The following NBAS variants were observed in gnomAD, a reference collection of about 807,000 sequenced individuals.
NBAS encodes NBAS subunit of NRZ tethering complex.
NBAS carries 219 observed loss-of-function variants against 302.5 expected under a neutral mutation model. The observed-to-expected ratio is 0.72, with a 90% confidence interval of 0.65 to 0.81. NBAS has a LOEUF of 0.81. Ranked by LOEUF, NBAS falls within the 30% of genes least tolerant of loss-of-function variation. The probability of loss-of-function intolerance (pLI) is 0.00; values close to 1 mark genes in which losing one functional copy is unlikely to be tolerated. For missense variants in NBAS, 2,932 were observed against 2,841.6 expected, an observed-to-expected ratio of 1.03 and a Z score of -0.72; for synonymous variants, 1,118 against 1,021.6, an observed-to-expected ratio of 1.09 and a Z score of -1.80.
At chr2:15,247,609 A>T (rs1198599513) in intron 44 of NBAS, among the ~76,000 whole-genome samples, 1 of 152,022 alleles carries the variant, frequency 6.6e-6, no homozygotes, top group Admixed American at 6.6e-5. Flanking sequence ...AGATCAAAAG[A>T]GACAAAGAAG....
intron 29 of NBAS, among the ~76,000 whole-genome samples, chr2:15,380,962 C>G (rs1221119726): frequency 6.6e-6 from 1 of 152,126 alleles, no homozygotes; most frequent in Non-Finnish European, 1.5e-5. Context: ...GATAAAAACA[C>G]TATATCTAAG....
chr2:15,386,306 T>TTGGA (rs1675292576), intron 28 of NBAS, among the ~76,000 whole-genome samples: 1 of 152,222 alleles, frequency 6.6e-6, no homozygotes, highest in Admixed American at 6.5e-5. Context: ...GGAAGATGTG[T>TTGGA]TGGAGCCAGC....
the NBAS span, among the ~76,000 whole-genome samples, chr2:14,909,357 G>T: frequency 2.5e-5 from 2 of 78,640 alleles, no homozygotes; most frequent in African/African-American, 7.6e-5. Context: ...AAGCCTAGGG[G>T]AGAGTTTCTA....
At chr2:14,839,333 G>A in the NBAS span, among the ~76,000 whole-genome samples, 2 of 152,152 alleles carry the variant, frequency 1.3e-5, no homozygotes, top group Admixed American at 6.5e-5. Flanking sequence ...AAATGTGAGA[G>A]CAAGTGGACA....
At chr2:14,872,855 T>TA in the NBAS span, among the ~76,000 whole-genome samples, 3 of 152,084 alleles carry the variant, frequency 2.0e-5, no homozygotes, top group Non-Finnish European at 4.4e-5. Context: ...TTACAGCTCT[T>TA]AAAGGCGGCG....
At chr2:15,396,826 G>A (rs1345728049) in intron 26 of NBAS, among the ~76,000 whole-genome samples, 2 of 152,174 alleles carry the variant, frequency 1.3e-5, no homozygotes, top group Non-Finnish European at 2.9e-5. Flanking sequence ...CAATAAAACA[G>A]ATTAAGAAGA....
At chr2:15,007,400 T>C in the NBAS span, among the ~76,000 whole-genome samples, 5 of 152,364 alleles carry the variant, frequency 3.3e-5, no homozygotes, top group South Asian at 2.1e-4. Context: ...TTATTCATGA[T>C]TTTTAAATTC....
At chr2:15,363,195 T>C (rs147969701) in intron 32 of NBAS, among the ~76,000 whole-genome samples, 18 of 152,342 alleles carry the variant, frequency 1.2e-4, no homozygotes, top group Non-Finnish European at 2.5e-4. Context: ...CCTGACTGAC[T>C]GCCTATGGAT....
the NBAS span, among the ~76,000 whole-genome samples, chr2:14,887,577 G>A: frequency 6.6e-6 from 1 of 151,974 alleles, no homozygotes; most frequent in Admixed American, 6.6e-5. Context: ...TGAGAACCTT[G>A]CCGTCTTCCC....
chr2:15,341,134 C>A (rs1672829899), intron 35 of NBAS, among the ~76,000 whole-genome samples: 1 of 152,078 alleles, frequency 6.6e-6, no homozygotes, highest in Admixed American at 6.6e-5. Flanking sequence ...ACCTGTAATT[C>A]CAGTGCTTTA....
At chr2:14,856,147 C>A in the NBAS span, among the ~76,000 whole-genome samples, 1 of 152,176 alleles carries the variant, frequency 6.6e-6, no homozygotes, top group Admixed American at 6.5e-5. Flanking sequence ...GAACAAGAGT[C>A]TCTGCCTCGT....
intron 51 of NBAS, among the ~76,000 whole-genome samples, chr2:15,168,550 G>A (rs62121470): frequency 1.3e-5 from 2 of 152,220 alleles, no homozygotes; most frequent in Non-Finnish European, 2.9e-5. Context: ...TTGGGAGTAT[G>A]ACCAAGGATT....
rs750325697 is a variant in NBAS at position 15,190,295 on chromosome 2, G to A, written c.6541C>T (p.Gln2181Ter). Reference protein sequence around the residue: ...AEFQHLVLLLQAWPPMKSEYV... With the variant: ...AEFQHLVLLL ...TCACTTTTCATAGGTGGCCAAGCTTGCAAAAGTAAAACCAAGTGCTGAAAT... is the reference window on the plus strand; with the variant it reads ...TCACTTTTCATAGGTGGCCAAGCTTACAAAAGTAAAACCAAGTGCTGAAAT... Residue 2181 changes from glutamine to a stop codon, truncating the protein, a stop_gained, in exon 49 of 52, where the codon CAA becomes TAA. Transcript: ENST00000281513. LOFTEE classifies it high-confidence loss of function. 1 of 1,613,868 alleles carries A rather than the reference G, an allele frequency of 6.2e-7. No homozygotes were observed. Among genetic ancestry groups the A allele is most frequent in the Admixed American group, 1.7e-5 (1 of 59,996 alleles).
chr2:14,841,401 G>A, the NBAS span, among the ~76,000 whole-genome samples: 1 of 141,748 alleles, frequency 7.1e-6, no homozygotes, highest in South Asian at 2.1e-4. Context: ...AGAGACAAGA[G>A]CCAACTATAT....
chr2:15,275,846 A>C, intron 43 of NBAS, 28 bp from the exon 44 acceptor site: 4 of 1,591,370 alleles, frequency 2.5e-6, no homozygotes, highest in Non-Finnish European at 3.4e-6. Flanking sequence ...AAAGTAGGTA[A>C]GTGGTTCATT....
chr2:15,412,764 TGG>T (rs889717493), intron 25 of NBAS, among the ~76,000 whole-genome samples: 1 of 152,150 alleles, frequency 6.6e-6, no homozygotes, highest in Non-Finnish European at 1.5e-5. Context: ...CAAATGGAGC[TGG>T]GGAGAGCCAT....
chr2:14,982,084 G>T, the NBAS span, among the ~76,000 whole-genome samples: 2 of 152,168 alleles, frequency 1.3e-5, no homozygotes, highest in African/African-American at 4.8e-5. Flanking sequence ...ATTTTAAAAA[G>T]CTCACTCTTC....
chr2:14,858,712 T>C, the NBAS span, among the ~76,000 whole-genome samples: 1 of 151,960 alleles, frequency 6.6e-6, no homozygotes. Flanking sequence ...GGTTAATGGG[T>C]ACCAAAAAAT....
intron 44 of NBAS, among the ~76,000 whole-genome samples, chr2:15,272,548 C>G (rs546339110): frequency 6.6e-6 from 1 of 152,150 alleles, no homozygotes; most frequent in Admixed American, 6.5e-5. Context: ...CTTCTCCTTT[C>G]TGAACTAAAA....
Sources: gnomAD v4.1 joint callset for allele counts (sites outside exome capture counted in the v4.1 genomes callset) on GRCh38, gnomAD v4.1.1 for gene constraint, MANE v1.5 for transcripts, NCBI Gene and HGNC (gene_info 2026-07-23, HGNC 2026-07-21) for gene names.